Variants in NACC2 observed in about 807,000 individuals in gnomAD.
NACC2 encodes NACC family member 2.
Under a neutral mutation model 25.1 loss-of-function variants are expected in NACC2, and 8 were observed. The ratio of observed to expected loss-of-function variants is 0.32; its 90% CI spans 0.19 to 0.57. The LOEUF is 0.57. Among genes scored for constraint, NACC2 ranks in the 20% least tolerant of loss-of-function variants. The pLI is 0.89. For missense variants in NACC2, 644 were observed against 650.2 expected (o/e 0.99, Z 0.10); for synonymous variants, 435 against 294.7 (o/e 1.48, Z -4.88).
intron 1 of NACC2, among the ~76,000 whole-genome samples, chr9:136,076,481 C>G (rs1016208282): frequency 2.6e-5 from 4 of 152,114 alleles, no homozygotes; most frequent in African/African-American, 9.7e-5. Flanking sequence ...CACACGCGGG[C>G]ACAGAGCAGG....
chr9:136,042,511 C>A (rs942715219), intron 2 of NACC2, among the ~76,000 whole-genome samples: 7 of 152,234 alleles, frequency 4.6e-5, no homozygotes, highest in African/African-American at 1.7e-4. Context: ...AATGACTGGA[C>A]GTCCACAGGG....
chr9:136,037,997 A>C (rs1840579029), intron 2 of NACC2, among the ~76,000 whole-genome samples: 1 of 152,258 alleles, frequency 6.6e-6, no homozygotes, highest in Admixed American at 6.5e-5. Flanking sequence ...ATACAATGGA[A>C]TACTACTTAC....
At chr9:136,077,022 A>G (rs554461272) in intron 1 of NACC2, among the ~76,000 whole-genome samples, 2 of 147,774 alleles carry the variant, frequency 1.4e-5, no homozygotes, top group Non-Finnish European at 3.0e-5. Flanking sequence ...AAATAAATAA[A>G]TAAATAAAAT....
At position 136,024,503 on chromosome 9, in the gene NACC2, A is replaced by G. The variant is rs79248116; in HGVS notation, c.887-8074T>C. Among the ~76,000 whole-genome samples, 65 of 124,760 alleles carry G rather than the reference A, an allele frequency of 5.2e-4. 1 individual carries two copies. The highest frequency in any genetic ancestry group is 1.4e-3 in the African/African-American group (45 of 31,840). The allele number at this position is 124,760 out of a possible 152,430, so 81.8% of individuals were successfully genotyped here. ...TGAGGACAGTGTGTGTGAGGACAGA[A>G]TGTGTGTGTGTGTGTGTGTGTGTGT... On this transcript the variant is annotated intron_variant, in intron 2 of 5. Transcript: ENST00000277554.
rs1488887145 is a variant in NACC2 at position 136,007,199 on chromosome 9, T to A, written c.*4317A>T. 1 of 154,440 alleles carries A rather than the reference T, an allele frequency of 6.5e-6. No individual in the cohort carries two copies. Among genetic ancestry groups the A allele is most frequent in the African/African-American group, 2.4e-5 (1 of 41,540 alleles). 9.6% of individuals were successfully genotyped at this position (154,440 alleles called of 1,614,324 possible). A position where few individuals can be genotyped will look rare whatever the true frequency, so the allele number is the denominator to read the frequency against. On this transcript the variant is annotated 3_prime_UTR_variant, in exon 6 of 6. Coordinates refer to ENST00000277554, the MANE Select transcript of NACC2 (RefSeq NM_144653.5). ...GACTGATCGGAATACGAGCCGGTCGTCCAGTCTGAATGCTTGCGATTCTGC... is the reference window on the plus strand; with the variant it reads ...GACTGATCGGAATACGAGCCGGTCGACCAGTCTGAATGCTTGCGATTCTGC...
intron 1 of NACC2, among the ~76,000 whole-genome samples, chr9:136,062,263 C>T (rs1012901086): frequency 1.2e-4 from 18 of 152,256 alleles, no homozygotes; most frequent in South Asian, 2.1e-4. Flanking sequence ...TTCCCCCCAA[C>T]GCCAAGGGAC....
chr9:136,075,131 C>A (rs1004154070), intron 1 of NACC2, among the ~76,000 whole-genome samples: 4 of 152,240 alleles, frequency 2.6e-5, no homozygotes, highest in Non-Finnish European at 2.9e-5. Flanking sequence ...TCCCTCAAAG[C>A]GGCAGGCCAG....
At chr9:136,045,105 C>G (rs1223313450) in intron 2 of NACC2, among the ~76,000 whole-genome samples, 1 of 152,222 alleles carries the variant, frequency 6.6e-6, no homozygotes, top group African/African-American at 2.4e-5. Flanking sequence ...TCTCCTGGAC[C>G]CTGAGCAGTT....
Position 136,011,638 on chromosome 9 carries a change from G to T in NACC2, c.1642C>A (p.Leu548Met). ...VIQEVAAPEPLPADGQSPPQP... is the reference protein window; with the variant it reads ...VIQEVAAPEPMPADGQSPPQP... ...GGGGGGCTCTGGCCATCGGCGGGCA[G>T]CGGCTCGGGGGCGGCCACCTCCTGG... Residue 548 changes from leucine (L) to methionine (M), a missense_variant, in exon 6 of 6, where the codon CTG (leucine) becomes ATG (methionine). Transcript: ENST00000277554. 7.1e-7 allele frequency: 1 copy of T among 1,400,364 alleles called. No homozygotes were observed. Among genetic ancestry groups the T allele is most frequent in the Non-Finnish European group, 9.2e-7 (1 of 1,082,582 alleles). The allele number at this position is 1,400,364 out of a possible 1,614,324, so 86.7% of individuals were successfully genotyped here. A position where few individuals can be genotyped will look rare whatever the true frequency, so the allele number is the denominator to read the frequency against.
At chr9:136,053,399 G>T (rs1214699891) in intron 1 of NACC2, among the ~76,000 whole-genome samples, 7 of 152,202 alleles carry the variant, frequency 4.6e-5, no homozygotes, top group Non-Finnish European at 5.9e-5. Flanking sequence ...GACAACTCAA[G>T]GAGACTGGGA....
intron 3 of NACC2, among the ~76,000 whole-genome samples, chr9:136,014,200 G>T (rs1292982706): frequency 6.6e-6 from 1 of 152,128 alleles, no homozygotes; most frequent in Admixed American, 6.5e-5. Context: ...AACTAAGCAG[G>T]GGGTGGGGAA....
chr9:136,015,402 G>A (rs550360820), intron 3 of NACC2, among the ~76,000 whole-genome samples: 7 of 152,316 alleles, frequency 4.6e-5, no homozygotes, highest in African/African-American at 1.7e-4. Context: ...TCCTGGCCAG[G>A]GCAGCCCAAC....
chr9:136,029,302 G>C (rs943820615), intron 2 of NACC2, among the ~76,000 whole-genome samples: 2 of 152,166 alleles, frequency 1.3e-5, no homozygotes, highest in Admixed American at 6.5e-5. Context: ...TCTCAGCTGA[G>C]AGCTGAGCAG....
chr9:136,056,698 G>A (rs1054506496), intron 1 of NACC2, among the ~76,000 whole-genome samples: 3 of 152,208 alleles, frequency 2.0e-5, no homozygotes, highest in East Asian at 1.9e-4. Flanking sequence ...TATCACTGTC[G>A]CCCCAGCCTG....
chr9:136,051,876 A>G lies in NACC2; in HGVS notation c.-59-1296T>C, dbSNP rs971408132. On this transcript the variant is annotated intron_variant, in intron 1 of 5. Transcript: ENST00000277554. ...GGCGGGGAGGGCGCAGGGAGCCGGC[A>G]AGGAGGAGGAGGAGGAGGAGGAGGA... Among the ~76,000 whole-genome samples the G allele has an allele frequency of 5.3e-4, 70 of 132,332 alleles. 1 individual carries two copies. Among genetic ancestry groups the G allele is most frequent in the African/African-American group, 1.6e-3 (48 of 30,368 alleles). The allele number at this position is 132,332 out of a possible 152,430, so 86.8% of individuals were successfully genotyped here. A position where few individuals can be genotyped will look rare whatever the true frequency, so the allele number is the denominator to read the frequency against.
Position 136,069,485 on chromosome 9 carries a change from G to C in NACC2, c.-59-18905C>G, listed in dbSNP as rs1169806927. Among the ~76,000 whole-genome samples, 9 of 151,584 alleles carry C rather than the reference G, an allele frequency of 5.9e-5. No individual in the cohort carries two copies. The East Asian group carries it at 7.8e-4, about 13-fold the overall frequency. ...AATTGCTTGAAACCAGAAGGCGGAG[G>C]TTGCAGTGAGCCAAGACTATGCCAC... is the stretch of plus-strand genomic sequence containing the variant. On this transcript the variant is annotated intron_variant, in intron 1 of 5. Transcript: ENST00000277554.
intron 2 of NACC2, among the ~76,000 whole-genome samples, chr9:136,028,375 C>CTT (rs1322233837): frequency 2.5e-5 from 3 of 120,878 alleles, no homozygotes; most frequent in South Asian, 2.5e-4. Flanking sequence ...GCCTTTGCTT[C>CTT]CTTTTTTTTT....
intron 1 of NACC2, among the ~76,000 whole-genome samples, chr9:136,064,932 G>A (rs1841062400): frequency 6.6e-6 from 1 of 152,172 alleles, no homozygotes; most frequent in South Asian, 2.1e-4. Flanking sequence ...ATTTAACAAG[G>A]GTGCCAAGAC....
At chr9:136,079,777 C>T (rs747622899) in intron 1 of NACC2, among the ~76,000 whole-genome samples, 2 of 152,188 alleles carry the variant, frequency 1.3e-5, no homozygotes, top group South Asian at 2.1e-4. Flanking sequence ...AGGAAAGTTA[C>T]GAAATCTTGA....
Sources: gnomAD v4.1 joint callset for allele counts (sites outside exome capture counted in the v4.1 genomes callset) on GRCh38, gnomAD v4.1.1 for gene constraint, MANE v1.5 for transcripts, NCBI Gene and HGNC (gene_info 2026-07-23, HGNC 2026-07-21) for gene names.